CCDC93: variants seen among roughly 807,000 people sequenced by gnomAD.
The protein encoded by CCDC93 is CCC complex scaffolding subunit CCDC93.
CCDC93 carries 61 observed loss-of-function variants against 108.2 expected under a neutral mutation model. The observed-to-expected ratio is 0.56, with a 90% confidence interval of 0.46 to 0.70. The LOEUF (loss-of-function observed/expected upper bound fraction) is 0.70, where lower values mean the gene tolerates loss of function less well. Among genes scored for constraint, CCDC93 ranks in the 30% least tolerant of loss-of-function variants. The pLI, the probability that CCDC93 is intolerant of heterozygous loss-of-function variation, is 0.00. For synonymous variants in CCDC93, 276 were observed against 260.4 expected, an observed-to-expected ratio of 1.06 and a Z score of -0.58; for missense variants, 685 against 764.2, an observed-to-expected ratio of 0.90 and a Z score of 1.22.
At chr2:117,927,151 A>T (rs1465237932) in intron 23 of CCDC93, among the ~76,000 whole-genome samples, 2 of 152,170 alleles carry the variant, frequency 1.3e-5, no homozygotes, top group Non-Finnish European at 2.9e-5. Flanking sequence ...TGACAAACCC[A>T]CAGTCAATAT....
intron 11 of CCDC93, among the ~76,000 whole-genome samples, chr2:117,971,649 C>G (rs570117428): frequency 6.6e-6 from 1 of 152,114 alleles, no homozygotes; most frequent in South Asian, 2.1e-4. Context: ...AATATATGGC[C>G]GAGGTCACAC....
rs531818812 is a variant in CCDC93 at position 117,925,387 on chromosome 2, CAG to C, written c.1843-4993_1843-4992del. On this transcript the variant is annotated intron_variant, in intron 23 of 23. Coordinates refer to ENST00000376300, the MANE Select transcript of CCDC93 (RefSeq NM_019044.5). ...GTATTTAGGAAACCCATCTCATATG[CAG>C]AGACACACATAGGCTCAAAATAAAG... is the stretch of plus-strand genomic sequence containing the variant. Among the ~76,000 whole-genome samples the C allele has an allele frequency of 5.0e-3, 768 of 152,210 alleles. 5 individuals carry two copies. The highest frequency in any genetic ancestry group is 0.02 in the Middle Eastern group (6 of 294).
At chr2:117,962,808 G>GA (rs1331170193) in intron 11 of CCDC93, among the ~76,000 whole-genome samples, 5 of 152,284 alleles carry the variant, frequency 3.3e-5, no homozygotes, top group African/African-American at 9.6e-5. Flanking sequence ...TTTTTTTCCT[G>GA]AGAGTATTTG....
At chr2:118,001,250 G>A (rs1466039798) in intron 3 of CCDC93, 1 of 197,320 alleles carries the variant, frequency 5.1e-6, no homozygotes, top group Non-Finnish European at 1.0e-5. Context: ...TCCTTATGTA[G>A]TAAGATAAAA....
At chr2:117,986,096 T>C in intron 6 of CCDC93, 27 bp from the exon 7 acceptor site, 1 of 1,434,070 alleles carries the variant, frequency 7.0e-7, no homozygotes, top group Non-Finnish European at 9.8e-7. Context: ...GCCAAGTTAC[T>C]GAGTGTGAGA....
intron 19 of CCDC93, 94 bp downstream of exon 19, chr2:117,941,095 T>G: frequency 1.2e-6 from 1 of 865,628 alleles, no homozygotes. Flanking sequence ...TTGTGGACTG[T>G]GCTCTGGTGC....
intron 5 of CCDC93, 111 bp from the exon 6 acceptor site, chr2:117,995,613 T>G (rs1236839409): frequency 1.2e-6 from 1 of 829,856 alleles, no homozygotes; most frequent in East Asian, 2.5e-5. Context: ...CTACTTTGCC[T>G]GACGAAGTCT....
At chr2:117,922,309 TCAAAG>T (rs951699750) in intron 23 of CCDC93, among the ~76,000 whole-genome samples, 2 of 152,118 alleles carry the variant, frequency 1.3e-5, no homozygotes, top group Non-Finnish European at 2.9e-5. Flanking sequence ...CTCCGTCTCT[TCAAAG>T]CAAATACAAA....
At chr2:117,961,198 G>A (rs1573491491) in intron 11 of CCDC93, among the ~76,000 whole-genome samples, 6 of 151,818 alleles carry the variant, frequency 4.0e-5, no homozygotes, top group Admixed American at 3.3e-4. Context: ...TACTAGACCC[G>A]TGATTCAGAC....
chr2:117,940,759 G>T (rs1384807310), intron 19 of CCDC93, among the ~76,000 whole-genome samples: 2 of 152,190 alleles, frequency 1.3e-5, no homozygotes, highest in Admixed American at 6.5e-5. Flanking sequence ...GGCTGAGGGG[G>T]TCATGGTCCT....
intron 11 of CCDC93, among the ~76,000 whole-genome samples, chr2:117,965,929 T>C (rs1308368934): frequency 2.6e-5 from 4 of 152,196 alleles, no homozygotes; most frequent in Non-Finnish European, 5.9e-5. Context: ...TTGTATTAAT[T>C]TAAAAATATA....
intron 3 of CCDC93, 193 bp from the exon 4 acceptor site, chr2:118,001,125 T>C: frequency 2.1e-6 from 1 of 487,230 alleles, no homozygotes; most frequent in Non-Finnish European, 3.6e-6. Flanking sequence ...AGGTGTGTGG[T>C]CACAAAACTG....
intron 4 of CCDC93, chr2:117,998,641 T>C (rs111252215): frequency 1.6e-4 from 25 of 152,300 alleles, no homozygotes; most frequent in African/African-American, 5.8e-4. Flanking sequence ...ATGGAGAACA[T>C]TCAGACCTTC....
intron 6 of CCDC93, among the ~76,000 whole-genome samples, chr2:117,987,838 T>C (rs955059926): frequency 1.7e-4 from 26 of 152,324 alleles, no homozygotes; most frequent in Admixed American, 1.4e-3. Context: ...GCAATTGTAA[T>C]AGTTATCACT....
chr2:117,948,540 C>T (rs1025118462), intron 14 of CCDC93, among the ~76,000 whole-genome samples: 11 of 152,142 alleles, frequency 7.2e-5, no homozygotes, highest in Admixed American at 7.2e-4. Flanking sequence ...TTTTTAAAAT[C>T]CATTCTGAAA....
chr2:117,989,835 G>A (rs1680424886), intron 6 of CCDC93, among the ~76,000 whole-genome samples: 1 of 152,154 alleles, frequency 6.6e-6, no homozygotes, highest in Non-Finnish European at 1.5e-5. Context: ...GCTTTACTTA[G>A]TTCACTACAT....
intron 18 of CCDC93, among the ~76,000 whole-genome samples, chr2:117,941,699 G>A (rs1678706756): frequency 6.6e-6 from 1 of 152,168 alleles, no homozygotes; most frequent in African/African-American, 2.4e-5. Context: ...CCACCTTGCC[G>A]CCTCCACATA....
chr2:117,961,110 A>ACG (rs201120655), intron 11 of CCDC93, among the ~76,000 whole-genome samples: 5 of 152,030 alleles, frequency 3.3e-5, no homozygotes, highest in Admixed American at 2.0e-4. Flanking sequence ...GGGACAGTCA[A>ACG]TGGGGTGGGC....
At chr2:117,950,237 A>C in intron 13 of CCDC93, 1 of 985,454 alleles carries the variant, frequency 1.0e-6, no homozygotes, top group Non-Finnish European at 1.2e-6. Flanking sequence ...ATCATCAAAG[A>C]GCTGAAGACA....
Sources: allele counts gnomAD v4.1 joint callset (sites outside exome capture counted in the v4.1 genomes callset), GRCh38; gene constraint gnomAD v4.1.1; transcripts MANE v1.5; gene names NCBI Gene and HGNC (gene_info 2026-07-23, HGNC 2026-07-21).